Variants in SLC25A26 observed in about 807,000 individuals in gnomAD.
SLC25A26 encodes solute carrier family 25 member 26, also known as mitochondrial S-adenosylmethionine carrier protein.
In SLC25A26, 36 loss-of-function variants were observed where a neutral mutation model predicts 37.8. The ratio of observed to expected loss-of-function variants is 0.95; its 90% confidence interval spans 0.73 to 1.26. SLC25A26 has a LOEUF of 1.26. SLC25A26 is among the 50% of genes most tolerant of loss of function. The pLI, the probability that SLC25A26 is intolerant of heterozygous loss-of-function variation, is 0.00. For missense variants in SLC25A26, 390 were observed against 331.1 expected (o/e 1.18, Z -1.38); for synonymous variants, 129 against 122.5 (o/e 1.05, Z -0.35).
chr3:66,289,182 T>G (rs1268581058), intron 5 of SLC25A26, among the ~76,000 whole-genome samples: 5 of 152,224 alleles, frequency 3.3e-5, no homozygotes, highest in African/African-American at 1.2e-4. Context: ...TTGTTTGTTT[T>G]TTTCTTGTAA....
At chr3:66,297,917 C>T (rs1191337679) in intron 5 of SLC25A26, among the ~76,000 whole-genome samples, 1 of 152,166 alleles carries the variant, frequency 6.6e-6, no homozygotes, top group African/African-American at 2.4e-5. Context: ...CAAAAGATGT[C>T]TGTCTTTAAA....
intron 5 of SLC25A26, among the ~76,000 whole-genome samples, chr3:66,269,124 T>G (rs982416034): frequency 6.6e-6 from 1 of 152,258 alleles, no homozygotes; most frequent in Non-Finnish European, 1.5e-5. Context: ...CCATTTGTGC[T>G]AGGAACTTTG....
intron 5 of SLC25A26, among the ~76,000 whole-genome samples, chr3:66,263,888 G>A (rs2107297517): frequency 6.6e-6 from 1 of 152,210 alleles, no homozygotes; most frequent in East Asian, 2.0e-4. Context: ...TCAATCTCCT[G>A]ACCTCATGAT....
At chr3:66,344,260 C>T (rs1431597258) in intron 5 of SLC25A26, among the ~76,000 whole-genome samples, 16 of 152,028 alleles carry the variant, frequency 1.1e-4, no homozygotes, top group Non-Finnish European at 2.2e-4. Flanking sequence ...GTCAGGAGTT[C>T]GAGACCAGCC....
At chr3:66,352,988 T>C (rs1190959750) in intron 6 of SLC25A26, among the ~76,000 whole-genome samples, 1 of 152,242 alleles carries the variant, frequency 6.6e-6, no homozygotes, top group Non-Finnish European at 1.5e-5. Flanking sequence ...ATTGGAATAA[T>C]TATTTACGAC....
At chr3:66,296,880 A>G (rs1347528940) in intron 5 of SLC25A26, among the ~76,000 whole-genome samples, 2 of 152,196 alleles carry the variant, frequency 1.3e-5, no homozygotes, top group African/African-American at 4.8e-5. Context: ...GAAGTCCTCG[A>G]TTCTGTTTTC....
intron 7 of SLC25A26, among the ~76,000 whole-genome samples, chr3:66,365,325 T>C (rs961018884): frequency 1.3e-5 from 2 of 152,254 alleles, no homozygotes; most frequent in African/African-American, 4.8e-5. Flanking sequence ...TTCTTGTTCA[T>C]GCTTGTTTTG....
chr3:66,279,506 T>G (rs2074266501), intron 5 of SLC25A26, among the ~76,000 whole-genome samples: 1 of 152,184 alleles, frequency 6.6e-6, no homozygotes, highest in Non-Finnish European at 1.5e-5. Context: ...GGCTTTTATT[T>G]GATTCTGATT....
At chr3:66,215,511 A>T (rs1165170056) in intron 1 of SLC25A26, among the ~76,000 whole-genome samples, 1 of 152,208 alleles carries the variant, frequency 6.6e-6, no homozygotes, top group Non-Finnish European at 1.5e-5. Context: ...ATCAATGAAA[A>T]AATATGTAAC....
chr3:66,306,519 G>C (rs368331665), intron 5 of SLC25A26, among the ~76,000 whole-genome samples: 49 of 151,696 alleles, frequency 3.2e-4, no homozygotes, highest in African/African-American at 1.1e-3. Flanking sequence ...TTTAAGTTCT[G>C]GGGATACATG....
upstream of SLC25A26, chr3:66,220,597 A>G (rs2106861064): frequency 6.4e-6 from 1 of 156,834 alleles, no homozygotes; most frequent in East Asian, 1.9e-4. Context: ...AATTTAATAT[A>G]AACTCAGATA....
Position 66,303,112 on chromosome 3 carries a change from T to C in SLC25A26, c.453+39733T>C, listed in dbSNP as rs980997403. ...GAAAGATGCAGAAGACATTATAATA[T>C]AGTAGTTATCATGGTCTAGTCACTG... On this transcript the variant is annotated intron_variant, in intron 5 of 9. Transcript: ENST00000354883. Among the ~76,000 whole-genome samples, 3 of 152,210 alleles carry C rather than the reference T, an allele frequency of 2.0e-5. No individual in the cohort carries two copies. The South Asian group carries it at 6.2e-4, about 32-fold the overall frequency.
At chr3:66,284,971 A>G (rs2074461608) in intron 5 of SLC25A26, among the ~76,000 whole-genome samples, 2 of 152,322 alleles carry the variant, frequency 1.3e-5, no homozygotes, top group South Asian at 2.1e-4. Flanking sequence ...GTTTTGGAGT[A>G]CAAACATGGG....
intron 1 of SLC25A26, among the ~76,000 whole-genome samples, chr3:66,190,631 G>T (rs1376484432): frequency 6.6e-6 from 1 of 152,004 alleles, no homozygotes; most frequent in Non-Finnish European, 1.5e-5. Flanking sequence ...GTTTCACCAT[G>T]TTGGCCAGGC....
chr3:66,144,092 G>T (rs1252425464), intron 1 of SLC25A26, among the ~76,000 whole-genome samples: 1 of 152,080 alleles, frequency 6.6e-6, no homozygotes, highest in African/African-American at 2.4e-5. Flanking sequence ...ATAAGTGGGT[G>T]AGCTACTTTC....
chr3:66,258,387 T>G (rs1197820439), intron 3 of SLC25A26, among the ~76,000 whole-genome samples: 1 of 152,184 alleles, frequency 6.6e-6, no homozygotes, highest in Non-Finnish European at 1.5e-5. Context: ...CCTGGCATCT[T>G]GTTCACTTTG....
chr3:66,352,814 C>T (rs948370453), intron 6 of SLC25A26, among the ~76,000 whole-genome samples: 1 of 152,100 alleles, frequency 6.6e-6, no homozygotes, highest in South Asian at 2.1e-4. Flanking sequence ...TCCTCTTTCC[C>T]CATTACTCAG....
chr3:66,304,900 A>ACTCACAACCATT (rs2075174129), intron 5 of SLC25A26, among the ~76,000 whole-genome samples: 1 of 152,174 alleles, frequency 6.6e-6, no homozygotes, highest in Admixed American at 6.6e-5. Context: ...GACCTGATAA[A>ACTCACAACCATT]CTCACAACCA....
chr3:66,182,680 C>T (rs1187251988), intron 1 of SLC25A26, among the ~76,000 whole-genome samples: 1 of 118,164 alleles, frequency 8.5e-6, no homozygotes, highest in Admixed American at 1.1e-4. Context: ...ACAGGATTGG[C>T]TGAGCCCAGC....
Sources: gnomAD v4.1 joint callset for allele counts (sites outside exome capture counted in the v4.1 genomes callset) on GRCh38, gnomAD v4.1.1 for gene constraint, MANE v1.5 for transcripts, NCBI Gene and HGNC (gene_info 2026-07-23, HGNC 2026-07-21) for gene names.